Variants in RAB40C observed in about 807,000 individuals in gnomAD.
RAB40C encodes ras-related protein Rab-40C.
Under a neutral mutation model 28.1 loss-of-function variants are expected in RAB40C, and 8 were observed. That is an observed-to-expected ratio of 0.28 (90% CI 0.17 to 0.51). The LOEUF is 0.51. Among genes scored for constraint, RAB40C ranks in the 20% least tolerant of loss-of-function variants. RAB40C has a pLI of 0.97. For synonymous variants in RAB40C, 201 were observed against 171.7 expected, an observed-to-expected ratio of 1.17 and a Z score of -1.34; for missense variants, 288 against 405.9, an observed-to-expected ratio of 0.71 and a Z score of 2.50.
chr16:590,321 C>G lies in RAB40C; in HGVS notation c.30C>G (p.Ser10Arg), dbSNP rs2035962835. The change falls in exon 1 of 6, where the codon AGC (serine) becomes AGG (arginine). Residue 10 changes from serine (S) to arginine (R), a missense_variant. Ser to Arg is a moderately radical substitution (Grantham distance 110). Coordinates refer to ENST00000248139, the MANE Select transcript of RAB40C (RefSeq NM_021168.5). Reference protein sequence around the residue: MGSQGSPVKSYDYLLKFLLV... With the variant: MGSQGSPVKRYDYLLKFLLV... Reference sequence around the variant, plus strand: ...GCTCGCAGGGCAGTCCGGTGAAGAGCTACGACTACCTGCTCAAGTTCCTGC... The same window carrying G: ...GCTCGCAGGGCAGTCCGGTGAAGAGGTACGACTACCTGCTCAAGTTCCTGC... 5.0e-6 allele frequency: 8 copies of G among 1,589,572 alleles called. No individual in the cohort carries two copies. The highest frequency in any genetic ancestry group is 6.8e-6 in the Non-Finnish European group (8 of 1,170,364).
chr16:623,737 A>G (rs1156685382), intron 3 of RAB40C, among the ~76,000 whole-genome samples: 1 of 151,998 alleles, frequency 6.6e-6, no homozygotes, highest in African/African-American at 2.4e-5. Flanking sequence ...ACTTGAGGCC[A>G]GGGGTTCAAG....
At chr16:591,209 C>T (rs115937591) in intron 1 of RAB40C, among the ~76,000 whole-genome samples, 3,560 of 130,464 alleles carry the variant, frequency 0.027, 153 homozygotes, top group African/African-American at 0.1. Context: ...GTGTCATGGT[C>T]TGGGATCTCA....
At chr16:622,016 C>T (rs906265142) in intron 3 of RAB40C, among the ~76,000 whole-genome samples, 6 of 152,146 alleles carry the variant, frequency 3.9e-5, no homozygotes, top group African/African-American at 1.4e-4. Flanking sequence ...AGGAGGAGGG[C>T]TTCACTCTCG....
At chr16:626,511 T>A (rs1377675282) in intron 5 of RAB40C, among the ~76,000 whole-genome samples, 1 of 151,970 alleles carries the variant, frequency 6.6e-6, no homozygotes, top group Admixed American at 6.5e-5. Flanking sequence ...TCTTCCTGGG[T>A]AGCCACATCC....
intron 3 of RAB40C, chr16:624,781 C>T: frequency 2.0e-6 from 2 of 985,446 alleles, no homozygotes; most frequent in Non-Finnish European, 1.2e-6. Flanking sequence ...TTTCGCCCGA[C>T]AGGGCTCTGA....
At chr16:624,588 A>T (rs187332299) in intron 3 of RAB40C, 1 of 985,238 alleles carries the variant, frequency 1.0e-6, no homozygotes, top group South Asian at 4.7e-5. Flanking sequence ...TTTCAGATGG[A>T]CAGTGCCCTC....
intron 1 of RAB40C, among the ~76,000 whole-genome samples, chr16:591,558 T>C (rs1197088691): frequency 6.6e-6 from 1 of 152,158 alleles, no homozygotes; most frequent in East Asian, 1.9e-4. Flanking sequence ...AATGAGTTAC[T>C]GAACATTTGT....
intron 1 of RAB40C, among the ~76,000 whole-genome samples, chr16:615,051 G>A (rs750090854): frequency 2.6e-5 from 4 of 152,212 alleles, no homozygotes; most frequent in African/African-American, 7.2e-5. Context: ...ACGAGGACCC[G>A]AGGGAGACCA....
intron 1 of RAB40C, among the ~76,000 whole-genome samples, chr16:607,395 C>T (rs1220638075): frequency 6.6e-6 from 1 of 150,696 alleles, no homozygotes; most frequent in African/African-American, 2.4e-5. Flanking sequence ...CCCAGCTACT[C>T]GGGAGGCTGA....
At chr16:626,456 G>A (rs1426129774) in intron 5 of RAB40C, among the ~76,000 whole-genome samples, 2 of 152,110 alleles carry the variant, frequency 1.3e-5, no homozygotes. Flanking sequence ...CTGCTGTCAG[G>A]GGAGCACAGG....
chr16:617,322 G>A (rs1166175016), intron 2 of RAB40C, 54 bp downstream of exon 2: 55 of 1,597,734 alleles, frequency 3.4e-5, no homozygotes, highest in Non-Finnish European at 4.1e-5. Context: ...AATGCCGAAG[G>A]GAGAACAGAA....
Position 617,178 on chromosome 16 carries a change from G to A in RAB40C, c.143-30G>A, listed in dbSNP as rs750092819. Reference sequence around the variant, plus strand: ...CGGGCGCTCGCTCCAGGAGTGGCGCGTCCCCTCAGCGCCCTGTGCTTCCTC... The same window carrying A: ...CGGGCGCTCGCTCCAGGAGTGGCGCATCCCCTCAGCGCCCTGTGCTTCCTC... On this transcript the variant is annotated intron_variant, in intron 1 of 5. Coordinates refer to ENST00000248139, the MANE Select transcript of RAB40C (RefSeq NM_021168.5). The A allele has an allele frequency of 1.9e-5, 31 of 1,611,174 alleles. No homozygotes were observed. In the African/African-American group the frequency reaches 2.1e-4, roughly 11 times the overall value.
At chr16:601,075 C>T (rs2036239466) in intron 1 of RAB40C, among the ~76,000 whole-genome samples, 1 of 152,206 alleles carries the variant, frequency 6.6e-6, no homozygotes, top group African/African-American at 2.4e-5. Flanking sequence ...CGTTAAAGCT[C>T]TTCTCTCCTG....
chr16:624,421 A>G, intron 3 of RAB40C: 5 of 985,482 alleles, frequency 5.1e-6, no homozygotes, highest in Non-Finnish European at 6.0e-6. Context: ...GGTCTCCCTC[A>G]GCGAGAGGTG....
intron 4 of RAB40C, 63 bp downstream of exon 4, chr16:625,572 G>T: frequency 6.5e-7 from 1 of 1,527,588 alleles, no homozygotes; most frequent in East Asian, 2.3e-5. Flanking sequence ...CCTGGGCCCC[G>T]GGTAGGCTCT....
chr16:598,516 G>A (rs1268478829), intron 1 of RAB40C, among the ~76,000 whole-genome samples: 1 of 148,914 alleles, frequency 6.7e-6, no homozygotes, highest in African/African-American at 2.5e-5. Flanking sequence ...AGCTGAGATT[G>A]TGCCACTGCA....
At position 615,366 on chromosome 16, in the gene RAB40C, G is replaced by A. The variant is rs1045202337; in HGVS notation, c.143-1842G>A. Among the ~76,000 whole-genome samples, 4 of 152,206 alleles carry A rather than the reference G, an allele frequency of 2.6e-5. No individual in the cohort carries two copies. The South Asian group carries it at 8.3e-4, about 32-fold the overall frequency. ...TGGGCCCGCACGGAGAGACAGATGT[G>A]CACAGACACACACACAAGCCCACTG... On this transcript the variant is annotated intron_variant, in intron 1 of 5. Coordinates refer to ENST00000248139, the MANE Select transcript of RAB40C (RefSeq NM_021168.5).
chr16:617,375 G>A, intron 2 of RAB40C, 107 bp downstream of exon 2: 1 of 1,350,000 alleles, frequency 7.4e-7, no homozygotes, highest in African/African-American at 1.4e-5. Flanking sequence ...ATTTCACTTG[G>A]AAGAGCCACT....
rs571451972 is a variant in RAB40C at position 603,265 on chromosome 16, T to C, written c.142+12832T>C. On this transcript the variant is annotated intron_variant, in intron 1 of 5. Transcript: ENST00000248139. ...AACTGCCCTAGAATTTCTTCTGACA[T>C]TTGGCATGCTGGTGTACACAGACAC... 6.4e-4 allele frequency among the ~76,000 whole-genome samples: 98 copies of C among 152,344 alleles called. 6 individuals carry two copies. In the South Asian group the frequency reaches 0.012, roughly 18 times the overall value.
Sources: gnomAD v4.1 joint callset for allele counts (sites outside exome capture counted in the v4.1 genomes callset) on GRCh38, gnomAD v4.1.1 for gene constraint, MANE v1.5 for transcripts, NCBI Gene and HGNC (gene_info 2026-07-23, HGNC 2026-07-21) for gene names.